Variants in TLL1 observed in about 807,000 individuals in gnomAD.
The protein encoded by TLL1 is tolloid-like protein 1.
TLL1 carries 49 observed loss-of-function variants against 128.2 expected under a neutral mutation model. The ratio of observed to expected loss-of-function variants is 0.38; its 90% CI spans 0.30 to 0.48. The LOEUF is 0.48. Among genes scored for constraint, TLL1 ranks in the 20% least tolerant of loss-of-function variants. The probability of loss-of-function intolerance (pLI) is 0.96; values close to 1 mark genes in which losing one functional copy is unlikely to be tolerated. For synonymous variants in TLL1, 454 were observed against 418.8 expected, an observed-to-expected ratio of 1.08 and a Z score of -1.03; for missense variants, 1,123 against 1,242.0, an observed-to-expected ratio of 0.90 and a Z score of 1.44.
intron 1 of TLL1, among the ~76,000 whole-genome samples, chr4:165,890,009 G>T (rs1731327134): frequency 1.3e-5 from 2 of 152,070 alleles, no homozygotes; most frequent in African/African-American, 4.8e-5. Flanking sequence ...GGCTGGGGAG[G>T]CCTCAGGACA....
chr4:165,916,208 G>A lies in TLL1; in HGVS notation c.169+42135G>A, dbSNP rs556133813. Among the ~76,000 whole-genome samples the A allele has an allele frequency of 7.2e-5, 11 of 152,322 alleles. No individual in the cohort carries two copies. In the South Asian group the frequency reaches 2.3e-3, roughly 32 times the overall value. On this transcript the variant is annotated intron_variant, in intron 1 of 20. Transcript: ENST00000061240. ...CAGAGATAGGGTAGAGGGACCCACT[G>A]AGGGTGAAGATCTTCACTCTTACTT...
At chr4:165,976,951 G>A (rs1481650026) in intron 1 of TLL1, among the ~76,000 whole-genome samples, 1 of 152,110 alleles carries the variant, frequency 6.6e-6, no homozygotes, top group East Asian at 1.9e-4. Context: ...TATAGTTAGT[G>A]TTAGCGTATT....
intron 8 of TLL1, among the ~76,000 whole-genome samples, chr4:166,017,061 C>T (rs893778163): frequency 2.0e-5 from 3 of 151,936 alleles, no homozygotes; most frequent in Non-Finnish European, 4.4e-5. Context: ...TAGAACCCAA[C>T]AGGTAGTTTT....
At chr4:166,027,321 G>A (rs1738547433) in intron 9 of TLL1, among the ~76,000 whole-genome samples, 1 of 152,012 alleles carries the variant, frequency 6.6e-6, no homozygotes, top group South Asian at 2.1e-4. Flanking sequence ...TATTTACCTG[G>A]AAGAACTTAA....
At chr4:165,940,533 G>T (rs2110921802) in intron 1 of TLL1, among the ~76,000 whole-genome samples, 1 of 151,868 alleles carries the variant, frequency 6.6e-6, no homozygotes, top group Admixed American at 6.6e-5. Context: ...ATATTCATTA[G>T]GCATAAAATT....
At chr4:166,030,543 C>T (rs754344063) in intron 9 of TLL1, 4 of 588,224 alleles carry the variant, frequency 6.8e-6, no homozygotes, top group Non-Finnish European at 6.2e-6. Flanking sequence ...AGTTTTATTG[C>T]CTGTGCTTTT....
intron 1 of TLL1, among the ~76,000 whole-genome samples, chr4:165,883,606 C>T (rs893665152): frequency 1.5e-4 from 23 of 152,222 alleles, no homozygotes; most frequent in African/African-American, 5.5e-4. Flanking sequence ...ATAACAAACA[C>T]TGTATTATTT....
chr4:166,072,582 T>G (rs975375854), intron 16 of TLL1, among the ~76,000 whole-genome samples: 1 of 142,522 alleles, frequency 7.0e-6, no homozygotes, highest in Non-Finnish European at 1.5e-5. Context: ...TATAGGTCAG[T>G]TTTTTTTTTA....
chr4:165,968,300 G>A (rs915030132), intron 1 of TLL1, among the ~76,000 whole-genome samples: 1 of 152,106 alleles, frequency 6.6e-6, no homozygotes, highest in African/African-American at 2.4e-5. Flanking sequence ...TACATTAGTA[G>A]CCATCATATG....
intron 19 of TLL1, among the ~76,000 whole-genome samples, chr4:166,092,169 C>A (rs936273253): frequency 2.0e-5 from 3 of 152,060 alleles, no homozygotes; most frequent in Non-Finnish European, 2.9e-5. Context: ...AGTATAAAAA[C>A]AATACAAATT....
chr4:166,053,638 G>A (rs1739861783), intron 12 of TLL1, among the ~76,000 whole-genome samples: 1 of 152,020 alleles, frequency 6.6e-6, no homozygotes, highest in South Asian at 2.1e-4. Context: ...GTTTTGATAA[G>A]GCAGAAAACA....
chr4:166,086,605 C>CT (rs1191799739), intron 18 of TLL1, among the ~76,000 whole-genome samples: 1 of 152,132 alleles, frequency 6.6e-6, no homozygotes. Context: ...GAACCAGACT[C>CT]TTTTCTGTCA....
At chr4:165,920,630 CGA>C (rs1043201348) in intron 1 of TLL1, among the ~76,000 whole-genome samples, 1 of 152,108 alleles carries the variant, frequency 6.6e-6, no homozygotes, top group African/African-American at 2.4e-5. Flanking sequence ...CATTAAAAAC[CGA>C]GATAGGTGAG....
At chr4:166,052,887 A>C (rs982742463) in intron 12 of TLL1, among the ~76,000 whole-genome samples, 4 of 148,922 alleles carry the variant, frequency 2.7e-5, no homozygotes, top group African/African-American at 9.9e-5. Flanking sequence ...GCCTTTGGCC[A>C]TCTGGAAATG....
At chr4:165,924,692 A>C (rs192607891) in intron 1 of TLL1, among the ~76,000 whole-genome samples, 17 of 152,230 alleles carry the variant, frequency 1.1e-4, no homozygotes, top group African/African-American at 3.9e-4. Context: ...ACATATTTTC[A>C]ATGTAGATGG....
chr4:165,912,085 C>T (rs1045334738), intron 1 of TLL1, among the ~76,000 whole-genome samples: 2 of 152,146 alleles, frequency 1.3e-5, no homozygotes, highest in Non-Finnish European at 2.9e-5. Context: ...CCATGTTAGC[C>T]AGGATGGTCT....
intron 5 of TLL1, among the ~76,000 whole-genome samples, chr4:166,002,727 G>A (rs1372504619): frequency 6.6e-6 from 1 of 152,152 alleles, no homozygotes; most frequent in Non-Finnish European, 1.5e-5. Context: ...TTACAGGCAT[G>A]AGCCACTGCA....
intron 1 of TLL1, among the ~76,000 whole-genome samples, chr4:165,896,828 T>A (rs1420407776): frequency 6.6e-6 from 1 of 152,056 alleles, no homozygotes; most frequent in African/African-American, 2.4e-5. Flanking sequence ...ATCGCCACAC[T>A]GTCTTTCACA....
chr4:166,088,807 A>G (rs910224123), intron 18 of TLL1, among the ~76,000 whole-genome samples: 4 of 152,084 alleles, frequency 2.6e-5, no homozygotes, highest in Non-Finnish European at 4.4e-5. Context: ...CACCAGCTCA[A>G]TGCTACTTTG....
Sources: allele counts gnomAD v4.1 joint callset (sites outside exome capture counted in the v4.1 genomes callset), GRCh38; gene constraint gnomAD v4.1.1; transcripts MANE v1.5; gene names NCBI Gene and HGNC (gene_info 2026-07-23, HGNC 2026-07-21).